The following NR2F1-AS1 variants were observed in gnomAD, a reference collection of about 807,000 sequenced individuals.
NR2F1-AS1 encodes NR2F1 regulatory antisense RNA 1, also known as NR2F1 antisense RNA 1.
chr5:93,439,571 G>T (rs1749514110), intron 4 of NR2F1-AS1, among the ~76,000 whole-genome samples: 1 of 152,248 alleles, frequency 6.6e-6, no homozygotes. Context: ...TGGGATTACA[G>T]GCGTGAGCCA....
intron 4 of NR2F1-AS1, among the ~76,000 whole-genome samples, chr5:93,471,707 C>T (rs746842865): frequency 4.6e-5 from 7 of 151,740 alleles, no homozygotes; most frequent in Non-Finnish European, 1.0e-4. Context: ...GAGTGATAGT[C>T]GTATTGTATT....
At chr5:93,409,691 G>C (rs1748810614) in intron 4 of NR2F1-AS1, 1 of 152,284 alleles carries the variant, frequency 6.6e-6, no homozygotes, top group South Asian at 2.1e-4. Flanking sequence ...AGTCCAATTA[G>C]AGCTATTCCT....
chr5:93,511,803 T>C (rs1168704121), intron 4 of NR2F1-AS1, among the ~76,000 whole-genome samples: 1 of 152,128 alleles, frequency 6.6e-6, no homozygotes, highest in Non-Finnish European at 1.5e-5. Context: ...GAACTATGCA[T>C]GCGAGGGATC....
intron 4 of NR2F1-AS1, among the ~76,000 whole-genome samples, chr5:93,450,059 T>C (rs770280473): frequency 2.0e-5 from 3 of 152,192 alleles, no homozygotes; most frequent in South Asian, 2.1e-4. Context: ...TTGTAGCATA[T>C]TGAAACCTGT....
At chr5:93,482,324 A>G (rs551446914) in intron 4 of NR2F1-AS1, among the ~76,000 whole-genome samples, 4 of 152,160 alleles carry the variant, frequency 2.6e-5, no homozygotes, top group Admixed American at 6.5e-5. Context: ...GTGGGGCATC[A>G]CCTCACCCAG....
At chr5:93,432,014 A>C (rs1247607777) in intron 4 of NR2F1-AS1, among the ~76,000 whole-genome samples, 1 of 152,162 alleles carries the variant, frequency 6.6e-6, no homozygotes, top group Non-Finnish European at 1.5e-5. Context: ...TTCTACCAAA[A>C]TTTGATTGCT....
chr5:93,478,061 CA>C (rs1274034561), intron 4 of NR2F1-AS1, among the ~76,000 whole-genome samples: 1 of 152,126 alleles, frequency 6.6e-6, no homozygotes, highest in Non-Finnish European at 1.5e-5. Flanking sequence ...GAAGCCAATG[CA>C]GCAACTTTTC....
intron 4 of NR2F1-AS1, among the ~76,000 whole-genome samples, chr5:93,515,086 C>CA (rs1235880429): frequency 1.6e-4 from 25 of 152,026 alleles, no homozygotes; most frequent in African/African-American, 6.0e-4. Flanking sequence ...TCCTACTTTT[C>CA]AAGCAAAGAA....
chr5:93,431,661 G>A (rs1343203487), intron 4 of NR2F1-AS1, among the ~76,000 whole-genome samples: 3 of 152,138 alleles, frequency 2.0e-5, no homozygotes, highest in Non-Finnish European at 4.4e-5. Context: ...TTTGCAAATA[G>A]TCTTGTAATA....
chr5:93,455,400 T>C (rs1045457908), intron 4 of NR2F1-AS1, among the ~76,000 whole-genome samples: 12 of 151,840 alleles, frequency 7.9e-5, no homozygotes, highest in Admixed American at 6.6e-4. Context: ...ACTAGTAAAT[T>C]AAAACAAAGA....
At chr5:93,498,729 A>G (rs1751015845) in intron 4 of NR2F1-AS1, among the ~76,000 whole-genome samples, 1 of 152,164 alleles carries the variant, frequency 6.6e-6, no homozygotes, top group African/African-American at 2.4e-5. Flanking sequence ...GTTAGAAGAG[A>G]ACACAAGTAA....
chr5:93,499,329 T>C (rs1011751806), intron 4 of NR2F1-AS1, among the ~76,000 whole-genome samples: 8 of 152,174 alleles, frequency 5.3e-5, no homozygotes, highest in African/African-American at 1.7e-4. Flanking sequence ...AACTGAAGAT[T>C]TGTGGCAACC....
At chr5:93,510,878 G>A (rs1751281132) in intron 4 of NR2F1-AS1, among the ~76,000 whole-genome samples, 2 of 152,054 alleles carry the variant, frequency 1.3e-5, no homozygotes, top group South Asian at 2.1e-4. Context: ...GTTTATTATT[G>A]TTCTAACTGA....
intron 4 of NR2F1-AS1, among the ~76,000 whole-genome samples, chr5:93,534,556 T>C (rs1471100752): frequency 6.6e-6 from 1 of 152,232 alleles, no homozygotes; most frequent in African/African-American, 2.4e-5. Context: ...CCATTTTCCA[T>C]ACTTAAAATC....
rs530681812 is a variant in NR2F1-AS1, at chr5:93,469,521, C to CTCAGTAAACAA, written n.639-73990_639-73980dup. Among the ~76,000 whole-genome samples, 31 of 152,158 alleles carry CTCAGTAAACAA rather than the reference C, an allele frequency of 2.0e-4. 1 individual carries two copies. In the South Asian group the frequency reaches 6.4e-3, roughly 32 times the overall value. ...CGGTCATAGGAAAAACCAACTAAAG[C>CTCAGTAAACAA]TCAGTAAACAATCACAGTATTAACA... is the stretch of plus-strand genomic sequence containing the variant. On this transcript the variant is annotated intron_variant and non_coding_transcript_variant, in intron 4 of 5. Coordinates refer to ENST00000660523, the Ensembl canonical transcript of NR2F1-AS1.
At chr5:93,426,660 A>T (rs915494430) in intron 4 of NR2F1-AS1, among the ~76,000 whole-genome samples, 1 of 152,208 alleles carries the variant, frequency 6.6e-6, no homozygotes, top group African/African-American at 2.4e-5. Flanking sequence ...CCCAACACTC[A>T]TATCAAATCA....
chr5:93,434,929 G>A (rs367587299), intron 4 of NR2F1-AS1, among the ~76,000 whole-genome samples: 1 of 152,140 alleles, frequency 6.6e-6, no homozygotes, highest in Non-Finnish European at 1.5e-5. Context: ...ATATTGGTTT[G>A]TCCAATTATT....
chr5:93,441,974 G>GT lies in NR2F1-AS1; in HGVS notation n.639-46433dup, dbSNP rs141388285. Among the ~76,000 whole-genome samples, 823 of 152,332 alleles carry GT rather than the reference G, an allele frequency of 5.4e-3. 5 individuals carry two copies. Among genetic ancestry groups the GT allele is most frequent in the African/African-American group, 0.019 (790 of 41,574 alleles). On this transcript the variant is annotated intron_variant and non_coding_transcript_variant, in intron 4 of 5. Coordinates refer to ENST00000660523, the Ensembl canonical transcript of NR2F1-AS1. ...TTCTGTGGTACAATGACAGAGCTGAGTAGGAGAAAGAGTAATGACAGTTAT... is the reference window on the plus strand; with the variant it reads ...TTCTGTGGTACAATGACAGAGCTGAGTTAGGAGAAAGAGTAATGACAGTTAT...
chr5:93,511,207 A>T (rs1751288300), intron 4 of NR2F1-AS1, among the ~76,000 whole-genome samples: 1 of 152,134 alleles, frequency 6.6e-6, no homozygotes, highest in South Asian at 2.1e-4. Flanking sequence ...GCCCTCCCCA[A>T]TGTGGTTGGC....
Sources: allele counts gnomAD v4.1 joint callset (sites outside exome capture counted in the v4.1 genomes callset), GRCh38; gene constraint gnomAD v4.1.1; transcripts MANE v1.5; gene names NCBI Gene and HGNC (gene_info 2026-07-23, HGNC 2026-07-21).